The following ATP6V0A2 variants were observed in gnomAD, a reference collection of about 807,000 sequenced individuals.
The protein encoded by ATP6V0A2 is V-type proton ATPase 116 kDa subunit a 2.
In ATP6V0A2, 58 loss-of-function variants were observed where a neutral mutation model predicts 104.4. The observed-to-expected ratio is 0.56, with a 90% CI of 0.45 to 0.69. ATP6V0A2 has a LOEUF of 0.69. Ranked by LOEUF, ATP6V0A2 falls within the 30% of genes least tolerant of loss-of-function variation. ATP6V0A2 has a pLI of 0.00. For missense variants in ATP6V0A2, 938 were observed against 1,062.9 expected, an observed-to-expected ratio of 0.88 and a Z score of 1.63; for synonymous variants, 376 against 397.9, an observed-to-expected ratio of 0.95 and a Z score of 0.65.
rs1295491621 is a variant in ATP6V0A2 at position 123,748,560 on chromosome 12, C to G, written c.1725-15C>G. ...GATCTTGTTCGTGGGTTGATTGATT[C>G]CTTTTCTTTCCTAGGCACTTCAGGA... On this transcript the variant is annotated splice_polypyrimidine_tract_variant and intron_variant, in intron 14 of 19. Coordinates refer to ENST00000330342, the MANE Select transcript of ATP6V0A2 (RefSeq NM_012463.4). 6.3e-7 allele frequency: 1 copy of G among 1,597,056 alleles called. No homozygotes were observed. The highest frequency in any genetic ancestry group is 1.1e-5 in the South Asian group (1 of 90,740).
At chr12:123,712,707 G>A in intron 1 of ATP6V0A2, 25 bp downstream of exon 1, 3 of 1,581,196 alleles carry the variant, frequency 1.9e-6, no homozygotes, top group Non-Finnish European at 2.6e-6. Context: ...GGAGACGCGG[G>A]CCGCACCTGC....
chr12:123,721,827 A>G (rs947870633), intron 2 of ATP6V0A2, among the ~76,000 whole-genome samples: 1 of 152,160 alleles, frequency 6.6e-6, no homozygotes, highest in Non-Finnish European at 1.5e-5. Context: ...GTTTCCTGGT[A>G]GTGGTTGTGA....
intron 1 of ATP6V0A2, among the ~76,000 whole-genome samples, chr12:123,717,974 G>C (rs1164712723): frequency 1.3e-5 from 2 of 151,944 alleles, no homozygotes; most frequent in African/African-American, 4.8e-5. Context: ...ACCTGGGCTG[G>C]ATTGCAGTGG....
chr12:123,715,622 T>C (rs559697233), intron 1 of ATP6V0A2, among the ~76,000 whole-genome samples: 1 of 152,324 alleles, frequency 6.6e-6, no homozygotes, highest in East Asian at 1.9e-4. Context: ...AATGATATAC[T>C]GTAAATTGTT....
In ATP6V0A2 at chr12:123,724,795, C is replaced by T. The variant is rs772500257; in HGVS notation, c.432+4C>T. On this transcript the variant is annotated splice_donor_region_variant and intron_variant, in intron 4 of 19. Coordinates refer to ENST00000330342, the MANE Select transcript of ATP6V0A2 (RefSeq NM_012463.4). ...CTTTGTGAAACGCAATGTTGAGGTA[C>T]TGAACAGCTCGTGAGGAAATACAGC... 6.2e-7 allele frequency: 1 copy of T among 1,613,094 alleles called. No individual in the cohort carries two copies. The highest frequency in any genetic ancestry group is 1.7e-5 in the Admixed American group (1 of 59,992).
At chr12:123,753,114 CCGGTGTCTGCT>C (rs1956731842) in intron 17 of ATP6V0A2, among the ~76,000 whole-genome samples, 1 of 149,644 alleles carries the variant, frequency 6.7e-6, no homozygotes, top group Admixed American at 6.7e-5. Context: ...GTCCCCTGGA[CCGGTGTCTGCT>C]CAGTCTCCCT....
rs1205887831 is a variant in ATP6V0A2, at chr12:123,757,975, T to A, written c.2514T>A (p.Val838=). ...ACGTTGGTGCAGGCACCAAATTTGT[T>A]CCTTTCTCATTCAGTCTACTTTCAT... ...KFYVGAGTKF[V]PFSFSLLSSK... is the part of the protein sequence containing the mutation. Residue 838 remains valine, a synonymous_variant, in exon 20 of 20, where the codon GTT becomes GTA. Transcript: ENST00000330342. 4 of 1,613,126 alleles carry A rather than the reference T, an allele frequency of 2.5e-6. No individual in the cohort carries two copies. Among genetic ancestry groups the A allele is most frequent in the Non-Finnish European group, 8.5e-7 (1 of 1,179,844 alleles).
At position 123,733,982 on chromosome 12, in the gene ATP6V0A2, C is replaced by T. The variant is rs767516975; in HGVS notation, c.705C>T (p.Gly235=). The change falls in exon 7 of 20, where the codon GGC becomes GGT. Residue 235 remains glycine (G), a synonymous_variant. Coordinates refer to ENST00000330342, the MANE Select transcript of ATP6V0A2 (RefSeq NM_012463.4). ...FLISFWGEQI[G]HKVKKICDCY... ...TATCCTTTTGGGGAGAGCAGATTGGCCACAAGGTTAAGAAGATATGTGATT... is the reference window on the plus strand; with the variant it reads ...TATCCTTTTGGGGAGAGCAGATTGGTCACAAGGTTAAGAAGATATGTGATT... 4 of 1,613,148 alleles carry T rather than the reference C, an allele frequency of 2.5e-6. No individual in the cohort carries two copies. The highest frequency in any genetic ancestry group is 1.7e-5 in the Admixed American group (1 of 60,018).
In ATP6V0A2 at chr12:123,712,519, G is replaced by C. The variant is rs2135870727; in HGVS notation, c.-47G>C. The C allele has an allele frequency of 6.9e-7, 1 of 1,450,304 alleles. No homozygotes were observed. 89.8% of individuals were successfully genotyped at this position (1,450,304 alleles called of 1,614,324 possible). A position where few individuals can be genotyped will look rare whatever the true frequency, so the allele number is the denominator to read the frequency against. On this transcript the variant is annotated 5_prime_UTR_variant, in exon 1 of 20. Transcript: ENST00000330342. ...TGAGTGTGCGGGCCCGCGCGGCTCGGAGCCGCCGCCGCCCATCGAGCCCCT... is the reference window on the plus strand; with the variant it reads ...TGAGTGTGCGGGCCCGCGCGGCTCGCAGCCGCCGCCGCCCATCGAGCCCCT...
intron 9 of ATP6V0A2, among the ~76,000 whole-genome samples, chr12:123,742,207 TC>T (rs753013277): frequency 6.6e-6 from 1 of 152,234 alleles, no homozygotes; most frequent in Non-Finnish European, 1.5e-5. Context: ...TCTTCCCAGT[TC>T]CAGCTGCTTT....
rs372720240 is a variant in ATP6V0A2 at position 123,726,162 on chromosome 12, A to G, written c.433-35A>G. 4.7e-6 allele frequency: 7 copies of G among 1,499,234 alleles called. No individual in the cohort carries two copies. The African/African-American group carries it at 9.7e-5, about 21-fold the overall frequency. 92.9% of individuals were successfully genotyped at this position (1,499,234 alleles called of 1,614,324 possible). ...CATGAGAAATAAAGTGTCACTTTTA[A>G]TGAGACACACTTGGTTTCATATGTT... On this transcript the variant is annotated intron_variant, in intron 4 of 19. Coordinates refer to ENST00000330342, the MANE Select transcript of ATP6V0A2 (RefSeq NM_012463.4).
chr12:123,745,802 A>G (rs1370501049), intron 13 of ATP6V0A2, among the ~76,000 whole-genome samples: 1 of 150,962 alleles, frequency 6.6e-6, no homozygotes, highest in Non-Finnish European at 1.5e-5. Context: ...GAGGCAGTGG[A>G]CTGCAGGGTT....
rs117168902 is a variant in ATP6V0A2 at position 123,719,932 on chromosome 12, G to A, written c.196+1231G>A. Among the ~76,000 whole-genome samples, 816 of 152,148 alleles carry A rather than the reference G, an allele frequency of 5.4e-3. 2 individuals carry two copies. Among genetic ancestry groups the A allele is most frequent in the Non-Finnish European group, 9.0e-3 (609 of 68,010 alleles). On this transcript the variant is annotated intron_variant, in intron 2 of 19. Transcript: ENST00000330342. ...TACATGGCAAAGTTAACCAACAAAC[G>A]ACCCCAGGGTCTCTCTCCCCCGTAT...
chr12:123,733,845 G>A (rs952423229), intron 6 of ATP6V0A2, 81 bp from the exon 7 acceptor site: 1 of 952,320 alleles, frequency 1.1e-6, no homozygotes, highest in African/African-American at 1.6e-5. Context: ...ATGAATGAAC[G>A]CTTTGACAGT....
chr12:123,718,789 C>T, intron 2 of ATP6V0A2, 88 bp downstream of exon 2: 1 of 924,796 alleles, frequency 1.1e-6, no homozygotes, highest in Non-Finnish European at 1.7e-6. Flanking sequence ...AAAATATAGA[C>T]AAGCAGAAAG....
chr12:123,725,347 A>G (rs1250275308), intron 4 of ATP6V0A2, among the ~76,000 whole-genome samples: 1 of 152,250 alleles, frequency 6.6e-6, no homozygotes, highest in Admixed American at 6.5e-5. Flanking sequence ...ACAATACTAA[A>G]TATTTATAAG....
At chr12:123,723,032 C>G (rs1056111961) in intron 3 of ATP6V0A2, among the ~76,000 whole-genome samples, 3 of 152,188 alleles carry the variant, frequency 2.0e-5, no homozygotes, top group Non-Finnish European at 2.9e-5. Flanking sequence ...TTAGCATCCT[C>G]GGTGAATTCG....
In ATP6V0A2 at chr12:123,712,478, C is replaced by T. The variant is rs1025888797; in HGVS notation, c.-88C>T. On this transcript the variant is annotated 5_prime_UTR_variant, in exon 1 of 20. Transcript: ENST00000330342. ...GCCAGGCCACAGGAAGAGCTCGAGG[C>T]CCGGGCCGCACCGGCTGAGTGTGCG... The T allele has an allele frequency of 2.1e-5, 17 of 819,854 alleles. 1 individual carries two copies. Among genetic ancestry groups the T allele is most frequent in the Admixed American group, 1.6e-4 (4 of 25,212 alleles). The allele number at this position is 819,854 out of a possible 1,614,324, so 50.8% of individuals were successfully genotyped here. A position where few individuals can be genotyped will look rare whatever the true frequency, so the allele number is the denominator to read the frequency against.
At position 123,759,624 on chromosome 12, in the gene ATP6V0A2, A is replaced by G. The variant is rs1387381337; in HGVS notation, c.*1592A>G. On this transcript the variant is annotated 3_prime_UTR_variant, in exon 20 of 20. Coordinates refer to ENST00000330342, the MANE Select transcript of ATP6V0A2 (RefSeq NM_012463.4). Reference sequence around the variant, plus strand: ...TGTGAGTGATACACGTTAAAAGGCTATTTGCCCGCATCCTCCTCTATCCTG... The same window carrying G: ...TGTGAGTGATACACGTTAAAAGGCTGTTTGCCCGCATCCTCCTCTATCCTG... 2 of 152,128 alleles carry G rather than the reference A, an allele frequency of 1.3e-5. No homozygotes were observed. Among genetic ancestry groups the G allele is most frequent in the African/African-American group, 4.8e-5 (2 of 41,422 alleles). The allele number at this position is 152,128 out of a possible 1,614,324, so 9.4% of individuals were successfully genotyped here.
Sources: allele counts gnomAD v4.1 joint callset (sites outside exome capture counted in the v4.1 genomes callset), GRCh38; gene constraint gnomAD v4.1.1; transcripts MANE v1.5; gene names NCBI Gene and HGNC (gene_info 2026-07-23, HGNC 2026-07-21).